SLC1A1: variants seen among roughly 807,000 people sequenced by gnomAD.
The protein encoded by SLC1A1 is solute carrier family 1 member 1, also known as excitatory amino acid transporter 3.
Under a neutral mutation model 53.3 loss-of-function variants are expected in SLC1A1, and 43 were observed. The ratio of observed to expected loss-of-function variants is 0.81; its 90% CI spans 0.63 to 1.04. SLC1A1 has a LOEUF of 1.04. Among genes scored for constraint, SLC1A1 ranks in the 50% least tolerant of loss-of-function variants. SLC1A1 has a pLI of 0.00. For synonymous variants in SLC1A1, 307 were observed against 243.2 expected, an observed-to-expected ratio of 1.26 and a Z score of -2.44; for missense variants, 748 against 664.9, an observed-to-expected ratio of 1.12 and a Z score of -1.37.
At chr9:4,572,018 G>T (rs1380190522) in intron 6 of SLC1A1, among the ~76,000 whole-genome samples, 186 bp from the exon 7 acceptor site, 2 of 151,964 alleles carry the variant, frequency 1.3e-5, no homozygotes, top group Non-Finnish European at 2.9e-5. Flanking sequence ...GGGGAGCAAG[G>T]GTAAAGTTTG....
chr9:4,572,124 T>C lies in SLC1A1; in HGVS notation c.583-80T>C, dbSNP rs1820114161. On this transcript the variant is annotated intron_variant, in intron 6 of 11. Transcript: ENST00000262352. ...ACCAGTTTATTATGTTTGGTCATTG[T>C]ATCTTCTCATTTCTGGACCTGTGCT... 4 of 1,182,508 alleles carry C rather than the reference T, an allele frequency of 3.4e-6. No homozygotes were observed. In the East Asian group the frequency reaches 9.4e-5, roughly 28 times the overall value. 73.3% of individuals were successfully genotyped at this position (1,182,508 alleles called of 1,614,324 possible). A position where few individuals can be genotyped will look rare whatever the true frequency, so the allele number is the denominator to read the frequency against.
chr9:4,499,092 T>C lies in SLC1A1; in HGVS notation c.91+8322T>C, dbSNP rs1176117496. Reference sequence around the variant, plus strand: ...ACAAGTCTCACTCTGTCACCTAGGCTGGAGTGCAGTGGCACGATCTTGGCT... The same window carrying C: ...ACAAGTCTCACTCTGTCACCTAGGCCGGAGTGCAGTGGCACGATCTTGGCT... On this transcript the variant is annotated intron_variant, in intron 1 of 11. Transcript: ENST00000262352. 2.0e-5 allele frequency among the ~76,000 whole-genome samples: 3 copies of C among 148,834 alleles called. No homozygotes were observed. The East Asian group carries it at 5.9e-4, about 29-fold the overall frequency.
intron 1 of SLC1A1, among the ~76,000 whole-genome samples, chr9:4,521,534 G>A (rs1467136964): frequency 1.3e-5 from 2 of 152,144 alleles, no homozygotes; most frequent in Non-Finnish European, 2.9e-5. Flanking sequence ...CCTTGTTTTT[G>A]CTTCCGAATT....
At chr9:4,542,685 A>G (rs1178725702) in intron 1 of SLC1A1, among the ~76,000 whole-genome samples, 1 of 152,186 alleles carries the variant, frequency 6.6e-6, no homozygotes, top group African/African-American at 2.4e-5. Flanking sequence ...TCCTTAGGGC[A>G]TAATATAGGT....
In SLC1A1 at chr9:4,549,613, G is replaced by A. The variant is rs957094805; in HGVS notation, c.232+4906G>A. Among the ~76,000 whole-genome samples, 1 of 152,154 alleles carries A rather than the reference G, an allele frequency of 6.6e-6. No homozygotes were observed. Among genetic ancestry groups the A allele is most frequent in the African/African-American group, 2.4e-5 (1 of 41,428 alleles). On this transcript the variant is annotated intron_variant, in intron 2 of 11. Transcript: ENST00000262352. This position sits in a 1 kb window ranked among gnomAD's most constrained non-coding sequence, Gnocchi z 4.1. ...CCCAGAACCTGACACCAAGTTCTAAGAAGGAAAAATTCCGCTATCACACAG... is the reference window on the plus strand; with the variant it reads ...CCCAGAACCTGACACCAAGTTCTAAAAAGGAAAAATTCCGCTATCACACAG...
intron 1 of SLC1A1, among the ~76,000 whole-genome samples, chr9:4,517,047 A>G (rs1821184245): frequency 6.6e-6 from 1 of 152,192 alleles, no homozygotes. Flanking sequence ...CCTGTGTTAC[A>G]TTATTATCTT....
chr9:4,561,044 T>C (rs759691976), intron 2 of SLC1A1, among the ~76,000 whole-genome samples: 15 of 152,028 alleles, frequency 9.9e-5, no homozygotes, highest in Non-Finnish European at 2.1e-4. Context: ...ATCTCAGTTC[T>C]TTGAGATAAA....
At chr9:4,561,206 A>G (rs779185777) in intron 2 of SLC1A1, among the ~76,000 whole-genome samples, 7 of 152,188 alleles carry the variant, frequency 4.6e-5, no homozygotes, top group Non-Finnish European at 1.0e-4. Context: ...TGAAGGCAGG[A>G]CACTCCTGGA....
At chr9:4,544,124 C>G (rs192546741) in intron 1 of SLC1A1, among the ~76,000 whole-genome samples, 1 of 151,842 alleles carries the variant, frequency 6.6e-6, no homozygotes, top group African/African-American at 2.4e-5. Flanking sequence ...TGCAGTGAGC[C>G]GAGATGGTAC....
Position 4,556,353 on chromosome 9 carries a change from A to T in SLC1A1, c.233-5096A>T, listed in dbSNP as rs1225249403. On this transcript the variant is annotated intron_variant, in intron 2 of 11. Coordinates refer to ENST00000262352, the MANE Select transcript of SLC1A1 (RefSeq NM_004170.6). This position sits in a 1 kb window ranked among gnomAD's most constrained non-coding sequence, Gnocchi z 4.1. ...TTATTATTACATTCAACAGAAATAA[A>T]GTTACTGTCCAATTACTATAAACAT... Among the ~76,000 whole-genome samples, 3 of 152,214 alleles carry T rather than the reference A, an allele frequency of 2.0e-5. No individual in the cohort carries two copies. The highest frequency in any genetic ancestry group is 7.2e-5 in the African/African-American group (3 of 41,450).
chr9:4,556,263 A>T lies in SLC1A1; in HGVS notation c.233-5186A>T, dbSNP rs999292431. On this transcript the variant is annotated intron_variant, in intron 2 of 11. Transcript: ENST00000262352. The surrounding 1 kb of genome is among the most constrained non-coding windows in gnomAD (Gnocchi z 4.1). ...TCAAACTCCTGACCTCAGGTGATCCACCTGCCTGGGCCTCCCAAAGTGCTG... is the reference window on the plus strand; with the variant it reads ...TCAAACTCCTGACCTCAGGTGATCCTCCTGCCTGGGCCTCCCAAAGTGCTG... 4.6e-5 allele frequency among the ~76,000 whole-genome samples: 7 copies of T among 152,052 alleles called. No individual in the cohort carries two copies. Among genetic ancestry groups the T allele is most frequent in the Admixed American group, 1.3e-4 (2 of 15,268 alleles).
At chr9:4,494,195 G>GA (rs1173363318) in intron 1 of SLC1A1, among the ~76,000 whole-genome samples, 14 of 152,154 alleles carry the variant, frequency 9.2e-5, no homozygotes, top group African/African-American at 3.1e-4. Context: ...CTGGAGTGAA[G>GA]AGTCCTTGGG....
chr9:4,582,690 C>T (rs897692938), intron 10 of SLC1A1, among the ~76,000 whole-genome samples: 4 of 152,160 alleles, frequency 2.6e-5, no homozygotes, highest in African/African-American at 7.2e-5. Flanking sequence ...GATGAGTACA[C>T]GAAGCCTCCT....
chr9:4,518,948 T>C (rs930128064), intron 1 of SLC1A1, among the ~76,000 whole-genome samples: 1 of 152,108 alleles, frequency 6.6e-6, no homozygotes, highest in Non-Finnish European at 1.5e-5. Context: ...AGCTAGAAAA[T>C]AAATGATGAG....
intron 2 of SLC1A1, among the ~76,000 whole-genome samples, chr9:4,545,417 A>G (rs868771904): frequency 6.6e-6 from 1 of 152,028 alleles, no homozygotes; most frequent in African/African-American, 2.4e-5. Context: ...GGGGCATGGG[A>G]AAAAAAAGCA....
At chr9:4,576,423 T>C in intron 9 of SLC1A1, 146 bp from the exon 10 acceptor site, 2 of 763,564 alleles carry the variant, frequency 2.6e-6, no homozygotes, top group South Asian at 3.0e-5. Flanking sequence ...CTTTGTTTCA[T>C]TTTGTTTTGT....
At chr9:4,517,621 G>A (rs990815011) in intron 1 of SLC1A1, among the ~76,000 whole-genome samples, 1 of 152,164 alleles carries the variant, frequency 6.6e-6, no homozygotes, top group Non-Finnish European at 1.5e-5. Context: ...ACAGCCAGGA[G>A]GAAGTTTGCT....
intron 1 of SLC1A1, among the ~76,000 whole-genome samples, chr9:4,522,443 C>T (rs2130834022): frequency 6.6e-6 from 1 of 152,304 alleles, no homozygotes. Flanking sequence ...TATCCCTGCA[C>T]ATCTCACATG....
At chr9:4,500,881 G>C (rs2130799361) in intron 1 of SLC1A1, among the ~76,000 whole-genome samples, 1 of 152,232 alleles carries the variant, frequency 6.6e-6, no homozygotes, top group South Asian at 2.1e-4. Flanking sequence ...TCTCATCCCA[G>C]CTCACAGATG....
Sources: gnomAD v4.1 joint callset for allele counts (sites outside exome capture counted in the v4.1 genomes callset) on GRCh38, gnomAD v4.1.1 for gene constraint, Gnocchi (gnomAD v3.1) non-coding constraint, MANE v1.5 for transcripts, NCBI Gene and HGNC (gene_info 2026-07-23, HGNC 2026-07-21) for gene names.